GVQW3: variants seen among roughly 807,000 people sequenced by gnomAD.
GVQW3 encodes GVQW motif containing 3.
Under a neutral mutation model 12.5 loss-of-function variants are expected in GVQW3, and 7 were observed. That is an observed-to-expected ratio of 0.56 (90% CI 0.32 to 1.05). GVQW3 has a LOEUF of 1.05. Among genes scored for constraint, GVQW3 ranks in the 50% least tolerant of loss-of-function variants. The probability of loss-of-function intolerance (pLI) is 0.04; values close to 1 mark genes in which losing one functional copy is unlikely to be tolerated. For missense variants in GVQW3, 188 were observed against 190.8 expected (o/e 0.99, Z 0.09); for synonymous variants, 71 against 67.2 (o/e 1.06, Z -0.28).
At chr11:76,394,350 C>T (rs1946920978) in intron 1 of GVQW3, among the ~76,000 whole-genome samples, 1 of 149,710 alleles carries the variant, frequency 6.7e-6, no homozygotes, top group Non-Finnish European at 1.5e-5. Flanking sequence ...CACTATCCTT[C>T]CCAGCCTCTG....
chr11:76,400,102 ATCTT>A (rs1039437402), intron 1 of GVQW3, among the ~76,000 whole-genome samples: 13 of 150,284 alleles, frequency 8.7e-5, no homozygotes, highest in East Asian at 3.9e-4. Flanking sequence ...ATAATGTTAA[ATCTT>A]TCTTTCTTTT....
intron 1 of GVQW3, among the ~76,000 whole-genome samples, chr11:76,396,433 GC>G (rs200377183): frequency 0.027 from 4,159 of 152,160 alleles, 87 homozygotes; most frequent in East Asian, 0.084. Flanking sequence ...TCCCACCACA[GC>G]CCCCGAAGTA....
chr11:76,390,598 G>A (rs1946881946), intron 1 of GVQW3, among the ~76,000 whole-genome samples: 1 of 152,234 alleles, frequency 6.6e-6, no homozygotes, highest in Admixed American at 6.5e-5. Flanking sequence ...CACTTTGGGA[G>A]GCCGAGGCGG....
Position 76,391,298 on chromosome 11 carries a change from T to C in GVQW3, c.465+9005T>C, listed in dbSNP as rs140085812. On this transcript the variant is annotated intron_variant, in intron 1 of 1. Coordinates refer to ENST00000529331, the MANE Select transcript of GVQW3 (RefSeq NM_001347885.2). ...TCCTTGCCTGGGGCAGGATGGCAGGTGTTAAGTCCACAAAGACAAATGCAT... is the reference window on the plus strand; with the variant it reads ...TCCTTGCCTGGGGCAGGATGGCAGGCGTTAAGTCCACAAAGACAAATGCAT... Among the ~76,000 whole-genome samples, 129 of 152,286 alleles carry C rather than the reference T, an allele frequency of 8.5e-4. 1 individual carries two copies. The highest frequency in any genetic ancestry group is 6.8e-3 in the Middle Eastern group (2 of 294).
downstream of GVQW3, chr11:76,408,443 T>C (rs1947061845): frequency 6.6e-6 from 1 of 152,140 alleles, no homozygotes; most frequent in Non-Finnish European, 1.5e-5. Flanking sequence ...CATATAAAGC[T>C]CTCTTTCTTG....
chr11:76,396,921 G>A (rs1946944517), intron 1 of GVQW3, among the ~76,000 whole-genome samples: 1 of 151,412 alleles, frequency 6.6e-6, no homozygotes, highest in Admixed American at 6.6e-5. Flanking sequence ...ATAATATGTA[G>A]CCTTTTATGT....
In GVQW3 at chr11:76,404,159, G is replaced by A; in HGVS notation, c.*401G>A. On this transcript the variant is annotated 3_prime_UTR_variant, in exon 2 of 2. Transcript: ENST00000529331. ...ATTTATTTTAGACTAGTTAAGTTCA[G>A]TAGTGAGAAAGAGGGAAGGAATAGA... 2.3e-6 allele frequency: 1 copy of A among 428,290 alleles called. No homozygotes were observed. The highest frequency in any genetic ancestry group is 4.1e-6 in the Non-Finnish European group (1 of 241,390). The allele number at this position is 428,290 out of a possible 1,614,324, so 26.5% of individuals were successfully genotyped here. A position where few individuals can be genotyped will look rare whatever the true frequency, so the allele number is the denominator to read the frequency against.
chr11:76,381,786 C>CG lies in GVQW3; in HGVS notation c.-43_-42insG. 1 of 1,464,080 alleles carries CG rather than the reference C, an allele frequency of 6.8e-7. No homozygotes were observed. Among genetic ancestry groups the CG allele is most frequent in the South Asian group, 1.4e-5 (1 of 71,456 alleles). 90.7% of individuals were successfully genotyped at this position (1,464,080 alleles called of 1,614,324 possible). A position where few individuals can be genotyped will look rare whatever the true frequency, so the allele number is the denominator to read the frequency against. On this transcript the variant is annotated 5_prime_UTR_variant, in exon 1 of 2. Transcript: ENST00000529331. ...GATTGATCTGTCCGTCTTTCCCTTA[C>CG]AGTCGTGGCCTGTTAAACGTTCCTG...
Position 76,403,948 on chromosome 11 carries a change from TGCACATTA to T in GVQW3, c.*192_*199del. On this transcript the variant is annotated 3_prime_UTR_variant, in exon 2 of 2. Transcript: ENST00000529331. The stretch of plus-strand genomic sequence containing the variant: ...TCCTCAATGAATTGGATGATGTCCA[TGCACATTA>T]GGGAGGGCTGCCTCTTCATTACTCG... 1 of 700,538 alleles carries T rather than the reference TGCACATTA, an allele frequency of 1.4e-6. No homozygotes were observed. Among genetic ancestry groups the T allele is most frequent in the Admixed American group, 2.0e-5 (1 of 49,872 alleles). The allele number at this position is 700,538 out of a possible 1,614,324, so 43.4% of individuals were successfully genotyped here. A position where few individuals can be genotyped will look rare whatever the true frequency, so the allele number is the denominator to read the frequency against.
Position 76,406,013 on chromosome 11 carries a change from C to T in GVQW3, c.*2255C>T, listed in dbSNP as rs1369265622. 1 of 151,578 alleles carries T rather than the reference C, an allele frequency of 6.6e-6. No individual in the cohort carries two copies. Among genetic ancestry groups the T allele is most frequent in the African/African-American group, 2.4e-5 (1 of 41,170 alleles). 9.4% of individuals were successfully genotyped at this position (151,578 alleles called of 1,614,324 possible). ...TTTGAGACAGGCTCTCCCTATGTCA[C>T]CGAGGCTACAGTGCAGTGGTTCAAT... On this transcript the variant is annotated 3_prime_UTR_variant, in exon 2 of 2. Coordinates refer to ENST00000529331, the MANE Select transcript of GVQW3 (RefSeq NM_001347885.2).
At position 76,406,835 on chromosome 11, in the gene GVQW3, C is replaced by T. The variant is rs1893870; in HGVS notation, c.*3077C>T. ...CAACCTGGCTAACACAGTGAAACCC[C>T]GTCTCTACCAAAAATACAAAAAATT... On this transcript the variant is annotated 3_prime_UTR_variant, in exon 2 of 2. Coordinates refer to ENST00000529331, the MANE Select transcript of GVQW3 (RefSeq NM_001347885.2). 0.32 allele frequency: 48,747 copies of T among 151,884 alleles called. 8,267 individuals are homozygous for T. The highest frequency in any genetic ancestry group is 0.42 in the Admixed American group (6,363 of 15,268). The allele number at this position is 151,884 out of a possible 1,614,324, so 9.4% of individuals were successfully genotyped here.
rs1191613565 is a variant in GVQW3, at chr11:76,382,078, T to C, written c.250T>C (p.Ser84Pro). 3.9e-6 allele frequency: 6 copies of C among 1,536,598 alleles called. No homozygotes were observed. The highest frequency in any genetic ancestry group is 4.9e-5 in the East Asian group (2 of 40,928). The part of the protein sequence containing the change: ...NIQKVKDLVC[S>P]NRQLTVRMMA... ...CCAGAAGGTCAAGGACTTGGTTTGT[T>C]CAAACAGGCAGTTAACCGTGAGGAT... Residue 84 changes from serine (S) to proline (P), a missense_variant, in exon 1 of 2, where the codon TCA (serine) becomes CCA (proline). Ser to Pro is a moderately conservative substitution (Grantham distance 74). Transcript: ENST00000529331.
At chr11:76,388,250 G>A (rs1054276582) in intron 1 of GVQW3, among the ~76,000 whole-genome samples, 1 of 152,138 alleles carries the variant, frequency 6.6e-6, no homozygotes, top group African/African-American at 2.4e-5. Flanking sequence ...CTATGGAGAT[G>A]ACAAAACTCA....
chr11:76,384,981 T>A (rs1946817868), intron 1 of GVQW3, among the ~76,000 whole-genome samples: 1 of 152,170 alleles, frequency 6.6e-6, no homozygotes, highest in South Asian at 2.1e-4. Context: ...CTACAGGAGT[T>A]GTTTCTAACC....
intron 1 of GVQW3, among the ~76,000 whole-genome samples, chr11:76,384,031 CTT>C: frequency 6.6e-6 from 1 of 152,330 alleles, no homozygotes; most frequent in East Asian, 1.9e-4. Flanking sequence ...AACTCTGTCT[CTT>C]CTCTTCCTGC....
intron 1 of GVQW3, among the ~76,000 whole-genome samples, chr11:76,391,613 G>A (rs990124002): frequency 2.0e-5 from 3 of 152,168 alleles, no homozygotes; most frequent in Non-Finnish European, 1.5e-5. Flanking sequence ...CCTAGAGTTC[G>A]GGTCTGTCAT....
At chr11:76,384,329 G>C (rs1258621527) in intron 1 of GVQW3, among the ~76,000 whole-genome samples, 1 of 151,960 alleles carries the variant, frequency 6.6e-6, no homozygotes, top group African/African-American at 2.4e-5. Flanking sequence ...TTTTTGTTTT[G>C]TTTTGTTTTT....
At chr11:76,394,040 A>G (rs1391510835) in intron 1 of GVQW3, among the ~76,000 whole-genome samples, 17 of 152,132 alleles carry the variant, frequency 1.1e-4, no homozygotes, top group Admixed American at 1.1e-3. Context: ...CTGGCATTAC[A>G]GGTGCACGCC....
downstream of GVQW3, chr11:76,412,128 C>T (rs139207223): frequency 6.6e-6 from 1 of 152,198 alleles, no homozygotes; most frequent in Admixed American, 6.5e-5. Flanking sequence ...ATTGATTGAG[C>T]ACCTACCACA....
Sources: gnomAD v4.1 joint callset for allele counts (sites outside exome capture counted in the v4.1 genomes callset) on GRCh38, gnomAD v4.1.1 for gene constraint, MANE v1.5 for transcripts, NCBI Gene and HGNC (gene_info 2026-07-23, HGNC 2026-07-21) for gene names.